VEPH1: variants seen among roughly 807,000 people sequenced by gnomAD.
VEPH1 encodes ventricular zone expressed PH domain containing 1.
Under a neutral mutation model 85.2 loss-of-function variants are expected in VEPH1, and 80 were observed. The ratio of observed to expected loss-of-function variants is 0.94; its 90% CI spans 0.78 to 1.13. VEPH1 has a LOEUF of 1.13. Among genes scored for constraint, VEPH1 ranks in the 50% most tolerant of loss-of-function variants. The pLI is 0.00. For missense variants in VEPH1, 955 were observed against 980.5 expected (o/e 0.97, Z 0.35); for synonymous variants, 297 against 348.0 (o/e 0.85, Z 1.63).
chr3:157,470,198 G>A (rs1736789392), intron 3 of VEPH1, 116 bp downstream of exon 3: 1 of 934,518 alleles, frequency 1.1e-6, no homozygotes, highest in East Asian at 2.6e-5. Flanking sequence ...GGCTTGTAGT[G>A]TCTTTTTACA....
intron 4 of VEPH1, among the ~76,000 whole-genome samples, chr3:157,433,967 C>T (rs896321996): frequency 1.3e-5 from 2 of 151,948 alleles, no homozygotes; most frequent in African/African-American, 4.8e-5. Flanking sequence ...GTGAACTTAT[C>T]AGCTTTGTTA....
intron 13 of VEPH1, among the ~76,000 whole-genome samples, chr3:157,262,779 A>G (rs1713084984): frequency 1.3e-5 from 2 of 152,168 alleles, no homozygotes; most frequent in Admixed American, 1.3e-4. Context: ...GCTGCAAGGT[A>G]TTACATAGAT....
intron 11 of VEPH1, among the ~76,000 whole-genome samples, chr3:157,295,312 A>G (rs960433187): frequency 2.0e-5 from 3 of 152,188 alleles, no homozygotes; most frequent in Non-Finnish European, 2.9e-5. Flanking sequence ...CCAACTTGCT[A>G]TTCAAGCTAC....
intron 4 of VEPH1, among the ~76,000 whole-genome samples, chr3:157,445,348 C>T (rs146778668): frequency 5.3e-4 from 80 of 152,252 alleles, no homozygotes; most frequent in Non-Finnish European, 5.6e-4. Context: ...TACAGCCAGG[C>T]GGGGTGGCTC....
chr3:157,324,319 A>G (rs1210534289), intron 9 of VEPH1, among the ~76,000 whole-genome samples: 2 of 152,046 alleles, frequency 1.3e-5, no homozygotes, highest in Non-Finnish European at 2.9e-5. Flanking sequence ...CAGCCTCCCA[A>G]AGTTCTGGGA....
rs1380216486 is a variant in VEPH1 at position 157,364,454 on chromosome 3, C to T, written c.1186G>A (p.Val396Ile). Reference protein sequence around the residue: ...PEKLEETKLIVTENEDHEKLQ... With the variant: ...PEKLEETKLIITENEDHEKLQ... Reference sequence around the variant, plus strand: ...TTTTCATGGTCTTCATTTTCAGTTACTATGAGCTTGGTTTCTTCCAGTTTC... The same window carrying T: ...TTTTCATGGTCTTCATTTTCAGTTATTATGAGCTTGGTTTCTTCCAGTTTC... The change falls in exon 8 of 14, where the codon GTA becomes ATA. Residue 396 changes from valine to isoleucine, a missense_variant. Transcript: ENST00000362010. 6.2e-7 allele frequency: 1 copy of T among 1,613,974 alleles called. No individual in the cohort carries two copies. The highest frequency in any genetic ancestry group is 1.1e-5 in the South Asian group (1 of 91,070).
chr3:157,444,858 T>C (rs928401497), intron 4 of VEPH1, among the ~76,000 whole-genome samples: 1 of 152,200 alleles, frequency 6.6e-6, no homozygotes, highest in African/African-American at 2.4e-5. Context: ...GTTAAAAAAG[T>C]AGAAATTTCA....
intron 6 of VEPH1, among the ~76,000 whole-genome samples, chr3:157,396,031 A>G (rs1359166323): frequency 6.6e-6 from 1 of 152,182 alleles, no homozygotes; most frequent in African/African-American, 2.4e-5. Context: ...CTATCAACCC[A>G]TCACTAGGTA....
At chr3:157,484,876 C>G (rs1161676530) in intron 2 of VEPH1, among the ~76,000 whole-genome samples, 2 of 152,054 alleles carry the variant, frequency 1.3e-5, no homozygotes, top group Non-Finnish European at 2.9e-5. Flanking sequence ...GAGTCCTATA[C>G]AGGATATTAA....
intron 6 of VEPH1, among the ~76,000 whole-genome samples, chr3:157,392,614 T>G (rs984034758): frequency 2.5e-4 from 23 of 91,784 alleles, no homozygotes; most frequent in Non-Finnish European, 4.0e-4. Flanking sequence ...TAATAGCTGA[T>G]GATCTAAAAA....
intron 2 of VEPH1, among the ~76,000 whole-genome samples, chr3:157,479,133 A>G (rs1033157138): frequency 2.6e-5 from 4 of 152,176 alleles, no homozygotes; most frequent in African/African-American, 9.7e-5. Context: ...TGCATTCCAG[A>G]AAATATCATG....
intron 12 of VEPH1, among the ~76,000 whole-genome samples, chr3:157,267,344 A>G (rs7624257): frequency 0.11 from 16,532 of 150,036 alleles, 1,350 homozygotes; most frequent in African/African-American, 0.22. Flanking sequence ...TGATCCATCC[A>G]CCCTGGCGTC....
At chr3:157,270,141 T>A (rs936555552) in intron 12 of VEPH1, among the ~76,000 whole-genome samples, 1 of 152,014 alleles carries the variant, frequency 6.6e-6, no homozygotes, top group African/African-American at 2.4e-5. Flanking sequence ...GCACCTGTAG[T>A]CCCAGGTACT....
chr3:157,337,067 C>T (rs994469561), intron 9 of VEPH1, among the ~76,000 whole-genome samples: 7 of 151,042 alleles, frequency 4.6e-5, no homozygotes, highest in Non-Finnish European at 7.4e-5. Context: ...GGAATTATTA[C>T]GCTTAGTTTT....
At chr3:157,270,864 C>T (rs7614339) in intron 12 of VEPH1, among the ~76,000 whole-genome samples, 101,697 of 151,032 alleles carry the variant, frequency 0.67, 34,437 homozygotes, top group South Asian at 0.76. Context: ...CCGAGAAGTA[C>T]AAGCCACATG....
At chr3:157,384,723 G>C (rs140880111) in intron 6 of VEPH1, among the ~76,000 whole-genome samples, 2 of 152,302 alleles carry the variant, frequency 1.3e-5, no homozygotes, top group East Asian at 3.9e-4. Flanking sequence ...CACATCATTT[G>C]TTCTGAAACC....
intron 3 of VEPH1, among the ~76,000 whole-genome samples, chr3:157,464,164 T>C (rs1368362827): frequency 6.6e-6 from 1 of 152,198 alleles, no homozygotes; most frequent in African/African-American, 2.4e-5. Context: ...AAAAGTTACT[T>C]ATTAGAGCAT....
chr3:157,450,095 AC>A (rs1734852429), intron 4 of VEPH1, among the ~76,000 whole-genome samples: 1 of 117,144 alleles, frequency 8.5e-6, no homozygotes, highest in Non-Finnish European at 1.6e-5. Flanking sequence ...TTGTTCTGTC[AC>A]CCATGCTGGA....
intron 9 of VEPH1, among the ~76,000 whole-genome samples, chr3:157,346,610 C>CT (rs5853780): frequency 6.0e-5 from 9 of 150,288 alleles, no homozygotes; most frequent in African/African-American, 1.2e-4. Context: ...GCCTTAAATA[C>CT]TTTTTTTTTT....
Sources: allele counts gnomAD v4.1 joint callset (sites outside exome capture counted in the v4.1 genomes callset), GRCh38; gene constraint gnomAD v4.1.1; transcripts MANE v1.5; gene names NCBI Gene and HGNC (gene_info 2026-07-23, HGNC 2026-07-21).